ABCG2: variants seen among roughly 807,000 people sequenced by gnomAD.
ABCG2 encodes ATP binding cassette subfamily G member 2 (JR blood group).
A neutral mutation model predicts 73.5 loss-of-function variants in ABCG2; 80 were observed. The ratio of observed to expected loss-of-function variants is 1.09; its 90% confidence interval spans 0.91 to 1.31. The LOEUF (loss-of-function observed/expected upper bound fraction) is 1.31, where lower values mean the gene tolerates loss of function less well. Ranked by LOEUF, ABCG2 falls within the 50% of genes most tolerant of loss-of-function variation. The pLI, the probability that ABCG2 is intolerant of heterozygous loss-of-function variation, is 0.00. For synonymous variants in ABCG2, 269 were observed against 282.4 expected (o/e 0.95, Z 0.48); for missense variants, 796 against 786.2 (o/e 1.01, Z -0.15).
At chr4:88,159,739 T>A (rs1345193612), upstream of ABCG2, among the ~76,000 whole-genome samples, 1 of 152,192 alleles carries the variant, frequency 6.6e-6, no homozygotes, top group Non-Finnish European at 1.5e-5. Context: ...AAGTTTTAGC[T>A]AGGAAGCCTA....
upstream of ABCG2, chr4:88,231,359 C>T (rs1730457685): frequency 6.6e-6 from 1 of 152,096 alleles, no homozygotes; most frequent in South Asian, 2.1e-4. Context: ...ATTTCTTTCT[C>T]GATCACTGGG....
chr4:88,124,070 A>G (rs926467267), intron 5 of ABCG2, among the ~76,000 whole-genome samples: 1 of 152,234 alleles, frequency 6.6e-6, no homozygotes, highest in African/African-American at 2.4e-5. Flanking sequence ...ACTAAGCTTC[A>G]TAAGTGAAGG....
intron 1 of ABCG2, among the ~76,000 whole-genome samples, chr4:88,226,998 G>A (rs990500112): frequency 3.3e-5 from 5 of 152,130 alleles, no homozygotes; most frequent in African/African-American, 1.2e-4. Flanking sequence ...TGTGGTCCCA[G>A]CTACTCGGGA....
At chr4:88,092,948 T>C (rs1373009689) in intron 15 of ABCG2, among the ~76,000 whole-genome samples, 1 of 152,140 alleles carries the variant, frequency 6.6e-6, no homozygotes, top group Non-Finnish European at 1.5e-5. Flanking sequence ...GCCAAAGTCA[T>C]GTTCTGTCAG....
At position 88,183,033 on chromosome 4, in the gene ABCG2, C is replaced by T. The variant is rs527491564; in HGVS notation, c.-19-43019G>A. The stretch of plus-strand genomic sequence containing the variant: ...CCAGGAGGTGGAGGTTGCAGTGAGC[C>T]GAGATCGCACCACTGCACTCCAGCC... On this transcript the variant is annotated intron_variant, in intron 1 of 15. Transcript: ENST00000515655. Among the ~76,000 whole-genome samples the T allele has an allele frequency of 3.7e-5, 5 of 135,968 alleles. No homozygotes were observed. The East Asian group carries it at 1.2e-3, about 33-fold the overall frequency. The allele number at this position is 135,968 out of a possible 152,430, so 89.2% of individuals were successfully genotyped here.
rs5860121 is a variant in ABCG2 at position 88,168,485 on chromosome 4, CA to C, written c.-19-28472del. Among the ~76,000 whole-genome samples, 994 of 137,736 alleles carry C rather than the reference CA, an allele frequency of 7.2e-3. 7 individuals are homozygous for C. The highest frequency in any genetic ancestry group is 0.016 in the African/African-American group (602 of 37,874). 90.4% of individuals were successfully genotyped at this position (137,736 alleles called of 152,430 possible). A position where few individuals can be genotyped will look rare whatever the true frequency, so the allele number is the denominator to read the frequency against. On this transcript the variant is annotated intron_variant, in intron 1 of 15. Coordinates refer to the ABCG2 transcript ENST00000515655. ...CTGGTGACAGAGCTAGGCTTCCTCT[CA>C]AAAAAAAAAAAAGTTCATTTGGTTA...
chr4:88,200,222 G>T (rs1249897361), intron 1 of ABCG2, among the ~76,000 whole-genome samples: 1 of 152,004 alleles, frequency 6.6e-6, no homozygotes, highest in African/African-American at 2.4e-5. Flanking sequence ...CAGCTACTTG[G>T]GGGGCTGAGA....
intron 1 of ABCG2, chr4:88,230,966 T>C (rs1730441950): frequency 6.6e-6 from 1 of 152,162 alleles, no homozygotes; most frequent in Non-Finnish European, 1.5e-5. Context: ...AGTATGAAGA[T>C]TGGAAAAAAC....
intron 6 of ABCG2, among the ~76,000 whole-genome samples, chr4:88,119,979 G>A (rs1207938244): frequency 6.6e-6 from 1 of 152,198 alleles, no homozygotes; most frequent in Non-Finnish European, 1.5e-5. Flanking sequence ...TGTCTCCAGG[G>A]AATGTCAGAC....
At chr4:88,216,541 C>T (rs1461602322) in intron 1 of ABCG2, among the ~76,000 whole-genome samples, 1 of 152,108 alleles carries the variant, frequency 6.6e-6, no homozygotes, top group Non-Finnish European at 1.5e-5. Context: ...TTTCCCTCAC[C>T]AAGGCTGCTG....
intron 5 of ABCG2, among the ~76,000 whole-genome samples, chr4:88,128,287 G>A (rs190854867): frequency 4.5e-4 from 68 of 152,348 alleles, no homozygotes; most frequent in Non-Finnish European, 8.8e-4. Context: ...TGCTGGAGAG[G>A]ATGTGGAGAA....
chr4:88,227,597 G>C (rs1218653483), intron 1 of ABCG2, among the ~76,000 whole-genome samples: 3 of 152,078 alleles, frequency 2.0e-5, no homozygotes, highest in Non-Finnish European at 2.9e-5. Flanking sequence ...CTGACCTAGG[G>C]AAGCAGAATC....
chr4:88,227,425 A>G (rs923008040), intron 1 of ABCG2, among the ~76,000 whole-genome samples: 1 of 152,134 alleles, frequency 6.6e-6, no homozygotes, highest in Non-Finnish European at 1.5e-5. Flanking sequence ...AATAAATAAT[A>G]TACATATACA....
intron 1 of ABCG2, among the ~76,000 whole-genome samples, chr4:88,200,591 C>T (rs116549154): frequency 0.068 from 10,312 of 152,236 alleles, 619 homozygotes; most frequent in East Asian, 0.32. Flanking sequence ...TGGCTCACTG[C>T]AAGGTCTGCC....
intron 1 of ABCG2, among the ~76,000 whole-genome samples, chr4:88,155,793 C>G (rs1411283229): frequency 2.6e-5 from 4 of 151,904 alleles, no homozygotes; most frequent in Non-Finnish European, 4.4e-5. Context: ...GTAATCCCTG[C>G]TACTCAGGAG....
At chr4:88,178,574 G>C (rs139836585) in intron 1 of ABCG2, among the ~76,000 whole-genome samples, 27 of 152,276 alleles carry the variant, frequency 1.8e-4, no homozygotes, top group African/African-American at 6.5e-4. Flanking sequence ...TTGCAGCGTA[G>C]GTACCAGCTC....
chr4:88,133,407 C>A (rs1439054305), intron 2 of ABCG2, among the ~76,000 whole-genome samples: 2 of 152,052 alleles, frequency 1.3e-5, no homozygotes, highest in Non-Finnish European at 2.9e-5. Context: ...AAAGATATAT[C>A]CTCAAGATAT....
chr4:88,138,277 T>A (rs1206025301), intron 2 of ABCG2, among the ~76,000 whole-genome samples: 2 of 152,222 alleles, frequency 1.3e-5, no homozygotes, highest in Admixed American at 6.5e-5. Flanking sequence ...TTTTTTTCCA[T>A]AAGATCTTCA....
At chr4:88,196,986 C>G (rs1231444962) in intron 1 of ABCG2, among the ~76,000 whole-genome samples, 1 of 151,932 alleles carries the variant, frequency 6.6e-6, no homozygotes, top group Admixed American at 6.6e-5. Context: ...ACCCCTCCAG[C>G]CATCCTGTCC....
Sources: gnomAD v4.1 joint callset for allele counts (sites outside exome capture counted in the v4.1 genomes callset) on GRCh38, gnomAD v4.1.1 for gene constraint, MANE v1.5 for transcripts, NCBI Gene and HGNC (gene_info 2026-07-23, HGNC 2026-07-21) for gene names.